The following SLC30A7 variants were observed in gnomAD, a reference collection of about 807,000 sequenced individuals.
SLC30A7 encodes the protein solute carrier family 30 member 7.
SLC30A7 carries 35 observed loss-of-function variants against 46.0 expected under a neutral mutation model. That is an observed-to-expected ratio of 0.76 (90% CI 0.58 to 1.01). The LOEUF is 1.01. Ranked by LOEUF, SLC30A7 falls within the 50% of genes least tolerant of loss-of-function variation. The pLI is 0.00. For missense variants in SLC30A7, 464 were observed against 451.1 expected, an observed-to-expected ratio of 1.03 and a Z score of -0.26; for synonymous variants, 147 against 157.8, an observed-to-expected ratio of 0.93 and a Z score of 0.51.
At chr1:100,959,367 T>TATA (rs1655414734) in intron 8 of SLC30A7, among the ~76,000 whole-genome samples, 1 of 152,208 alleles carries the variant, frequency 6.6e-6, no homozygotes, top group Non-Finnish European at 1.5e-5. Flanking sequence ...TACACATTAT[T>TATA]ATCTTATACG....
At chr1:100,909,216 G>A (rs1354017228) in intron 3 of SLC30A7, among the ~76,000 whole-genome samples, 1 of 152,082 alleles carries the variant, frequency 6.6e-6, no homozygotes, top group Non-Finnish European at 1.5e-5. Flanking sequence ...TAAGCATAGG[G>A]TTGAATTCTC....
chr1:100,902,712 T>C (rs1651385507), intron 2 of SLC30A7, among the ~76,000 whole-genome samples: 2 of 152,232 alleles, frequency 1.3e-5, no homozygotes. Flanking sequence ...TCACCTGATC[T>C]CTGCCTTATC....
chr1:100,949,941 G>T (rs1368738714), intron 8 of SLC30A7, among the ~76,000 whole-genome samples: 1 of 152,176 alleles, frequency 6.6e-6, no homozygotes, highest in Non-Finnish European at 1.5e-5. Flanking sequence ...GGCTAGGAAA[G>T]GGAAATCCCC....
At chr1:100,969,126 A>G (rs939288870) in intron 10 of SLC30A7, among the ~76,000 whole-genome samples, 1 of 152,222 alleles carries the variant, frequency 6.6e-6, no homozygotes, top group African/African-American at 2.4e-5. Context: ...ATATGCTGGT[A>G]CCACTTATTT....
At position 100,977,443 on chromosome 1, in the gene SLC30A7, T is replaced by C. The variant is rs1656600310; in HGVS notation, c.*2586T>C. On this transcript the variant is annotated 3_prime_UTR_variant, in exon 11 of 11. Transcript: ENST00000357650. Reference sequence around the variant, plus strand: ...AAAAAATTAGTGAGAAAAAGCAACTTTTTGTCACTCTTAGGAAATATTTTG... The same window carrying C: ...AAAAAATTAGTGAGAAAAAGCAACTCTTTGTCACTCTTAGGAAATATTTTG... The C allele has an allele frequency of 6.6e-6, 1 of 152,184 alleles. No homozygotes were observed. Among genetic ancestry groups the C allele is most frequent in the African/African-American group, 2.4e-5 (1 of 41,436 alleles). The allele number at this position is 152,184 out of a possible 1,614,324, so 9.4% of individuals were successfully genotyped here.
At position 100,978,836 on chromosome 1, in the gene SLC30A7, A is replaced by T. The variant is rs1240960997; in HGVS notation, c.*3979A>T. 2 of 152,170 alleles carry T rather than the reference A, an allele frequency of 1.3e-5. No homozygotes were observed. Among genetic ancestry groups the T allele is most frequent in the Non-Finnish European group, 2.9e-5 (2 of 68,014 alleles). The allele number at this position is 152,170 out of a possible 1,614,324, so 9.4% of individuals were successfully genotyped here. A position where few individuals can be genotyped will look rare whatever the true frequency, so the allele number is the denominator to read the frequency against. On this transcript the variant is annotated 3_prime_UTR_variant, in exon 11 of 11. Coordinates refer to ENST00000357650, the MANE Select transcript of SLC30A7 (RefSeq NM_133496.5). ...AATTTTAACTTTTTTACTCTTATAA[A>T]ACCAGTTCCTGACATTTTAAAAAAC...
chr1:100,939,259 G>A (rs1654189612), intron 8 of SLC30A7, among the ~76,000 whole-genome samples: 1 of 152,058 alleles, frequency 6.6e-6, no homozygotes. Flanking sequence ...AATGCCAAGT[G>A]TATAATTATA....
downstream of SLC30A7, among the ~76,000 whole-genome samples, chr1:100,982,695 T>C (rs1338617354): frequency 6.6e-6 from 1 of 152,204 alleles, no homozygotes; most frequent in Non-Finnish European, 1.5e-5. Flanking sequence ...GCCACCTCCA[T>C]TTCAGCCCCC....
At chr1:100,945,021 G>A (rs1654546901) in intron 8 of SLC30A7, among the ~76,000 whole-genome samples, 1 of 152,140 alleles carries the variant, frequency 6.6e-6, no homozygotes, top group Admixed American at 6.5e-5. Context: ...GTTGTGATTT[G>A]CATTTCTCTG....
At chr1:100,943,545 C>G (rs1438415693) in intron 8 of SLC30A7, among the ~76,000 whole-genome samples, 1 of 152,190 alleles carries the variant, frequency 6.6e-6, no homozygotes, top group East Asian at 1.9e-4. Context: ...CAGCCGCTCT[C>G]CCTATCTGGA....
chr1:100,964,561 C>T (rs1320189390), intron 9 of SLC30A7, among the ~76,000 whole-genome samples: 1 of 152,030 alleles, frequency 6.6e-6, no homozygotes, highest in African/African-American at 2.4e-5. Context: ...CTCTAAAGGT[C>T]ATCTTCTTTC....
rs768169204 is a variant in SLC30A7, at chr1:100,906,867, C to T, written c.198C>T (p.Ser66=). ...TCTTTTCCAGCTTAGGCTTGATTTC[C>T]GACTCTTTTCACATGTTTTTCGATA... ...GIWSNCLGLI[S]DSFHMFFDST... Residue 66 remains serine (S), a synonymous_variant, in exon 3 of 11, where the codon TCC becomes TCT. Transcript: ENST00000357650. 6.2e-6 allele frequency: 10 copies of T among 1,612,278 alleles called. No homozygotes were observed. Among genetic ancestry groups the T allele is most frequent in the Non-Finnish European group, 7.6e-6 (9 of 1,178,780 alleles).
chr1:100,960,768 T>C (rs112433745), intron 8 of SLC30A7, among the ~76,000 whole-genome samples: 6 of 152,204 alleles, frequency 3.9e-5, no homozygotes, highest in African/African-American at 1.2e-4. Flanking sequence ...AACAGTACAT[T>C]ACCAGTCTGA....
rs1656445002 is a variant in SLC30A7 at position 100,975,819 on chromosome 1, C to A, written c.*962C>A. The A allele has an allele frequency of 7.0e-6, 1 of 142,222 alleles. No homozygotes were observed. The highest frequency in any genetic ancestry group is 2.3e-4 in the South Asian group (1 of 4,266). 8.8% of individuals were successfully genotyped at this position (142,222 alleles called of 1,614,324 possible). On this transcript the variant is annotated 3_prime_UTR_variant, in exon 11 of 11. Coordinates refer to ENST00000357650, the MANE Select transcript of SLC30A7 (RefSeq NM_133496.5). ...GGGATTACAGGTGTGAGCCACCACG[C>A]CCGGCTATGTTTTTTTTTTTTTTTT...
chr1:100,958,490 TTAATC>T (rs56988448), intron 8 of SLC30A7, among the ~76,000 whole-genome samples: 146 of 152,318 alleles, frequency 9.6e-4, no homozygotes, highest in African/African-American at 3.0e-3. Flanking sequence ...TTTGCATTGT[TTAATC>T]TAATGGCCTT....
At chr1:100,902,932 A>G (rs193273353) in intron 2 of SLC30A7, among the ~76,000 whole-genome samples, 2 of 152,306 alleles carry the variant, frequency 1.3e-5, no homozygotes, top group East Asian at 3.9e-4. Context: ...GTGTTTTACT[A>G]AATAATAGTG....
chr1:100,909,407 A>G (rs757790331), intron 3 of SLC30A7, among the ~76,000 whole-genome samples: 1 of 152,158 alleles, frequency 6.6e-6, no homozygotes, highest in African/African-American at 2.4e-5. Flanking sequence ...AGTAATATAC[A>G]TCCAGTAGGT....
At chr1:100,945,542 G>A (rs920715294) in intron 8 of SLC30A7, among the ~76,000 whole-genome samples, 1 of 152,084 alleles carries the variant, frequency 6.6e-6, no homozygotes, top group Non-Finnish European at 1.5e-5. Flanking sequence ...ATTAAATAGG[G>A]AATCCTTTCC....
At chr1:100,896,371 G>T in intron 1 of SLC30A7, 29 bp downstream of exon 1, 1 of 1,612,192 alleles carries the variant, frequency 6.2e-7, no homozygotes, top group African/African-American at 1.3e-5. Flanking sequence ...GCGGGGAGGG[G>T]GTGTCCGGCA....
Sources: allele counts gnomAD v4.1 joint callset (sites outside exome capture counted in the v4.1 genomes callset), GRCh38; gene constraint gnomAD v4.1.1; transcripts MANE v1.5; gene names NCBI Gene and HGNC (gene_info 2026-07-23, HGNC 2026-07-21).